The following ZMYND11 variants were observed in gnomAD, a reference collection of about 807,000 sequenced individuals.
ZMYND11 encodes the protein zinc finger MYND domain-containing protein 11.
Under a neutral mutation model 84.9 loss-of-function variants are expected in ZMYND11, and 9 were observed. The ratio of observed to expected loss-of-function variants is 0.11; its 90% CI spans 0.06 to 0.18. The LOEUF is 0.18. Among genes scored for constraint, ZMYND11 ranks in the 10% least tolerant of loss-of-function variants. The pLI is 1.00. For synonymous variants in ZMYND11, 250 were observed against 244.1 expected (o/e 1.02, Z -0.23); for missense variants, 409 against 761.0 (o/e 0.54, Z 5.44).
rs535791440 is a variant in ZMYND11, at chr10:190,372, C to T, written c.116+10244C>T. 2.0e-5 allele frequency among the ~76,000 whole-genome samples: 3 copies of T among 152,260 alleles called. No individual in the cohort carries two copies. In the South Asian group the frequency reaches 6.2e-4, roughly 32 times the overall value. ...CATGCATAGGTGTTGCTGTCTCGCC[C>T]TGCCTCTTCTGCACACCCTCCTGCA... On this transcript the variant is annotated intron_variant, in intron 2 of 14. Transcript: ENST00000381604.
At chr10:198,743 A>G (rs1407752397) in intron 2 of ZMYND11, among the ~76,000 whole-genome samples, 1 of 152,222 alleles carries the variant, frequency 6.6e-6, no homozygotes, top group Non-Finnish European at 1.5e-5. Context: ...ACAAATAGGT[A>G]CTTGCATATT....
intron 1 of ZMYND11, among the ~76,000 whole-genome samples, chr10:157,854 ATCCAATAGCAGCCATT>A (rs1463773644): frequency 2.6e-5 from 4 of 152,110 alleles, no homozygotes; most frequent in Non-Finnish European, 5.9e-5. Flanking sequence ...GAAACCCCAG[ATCCAATAGCAGCCATT>A]TCCCTTTTCT....
At chr10:130,905 C>T (rs1835298143), upstream of ZMYND11, among the ~76,000 whole-genome samples, 1 of 152,090 alleles carries the variant, frequency 6.6e-6, no homozygotes, top group South Asian at 2.1e-4. Flanking sequence ...ATCACTTGAG[C>T]TCAGGAGTTC....
intron 4 of ZMYND11, among the ~76,000 whole-genome samples, chr10:222,706 CA>C (rs148206520): frequency 1.0e-3 from 140 of 139,508 alleles, no homozygotes; most frequent in Non-Finnish European, 1.2e-3. Context: ...TTAATGAGAT[CA>C]AAAAAAAAAA....
intron 1 of ZMYND11, among the ~76,000 whole-genome samples, chr10:172,660 G>A (rs1588639619): frequency 6.6e-6 from 1 of 152,112 alleles, no homozygotes; most frequent in Non-Finnish European, 1.5e-5. Context: ...TTGTCAAGAT[G>A]TCCATTCTTC....
chr10:156,553 T>A (rs1554759141), intron 1 of ZMYND11, among the ~76,000 whole-genome samples: 1 of 152,230 alleles, frequency 6.6e-6, no homozygotes, highest in African/African-American at 2.4e-5. Flanking sequence ...GATTAATTTC[T>A]TAGCATAAAT....
At chr10:131,288 A>G (rs908550005), upstream of ZMYND11, among the ~76,000 whole-genome samples, 2 of 152,172 alleles carry the variant, frequency 1.3e-5, no homozygotes, top group African/African-American at 4.8e-5. Flanking sequence ...TAACCTGAGT[A>G]TGGGAGGACC....
chr10:191,123 A>AT (rs1264645832), intron 2 of ZMYND11, among the ~76,000 whole-genome samples: 7 of 152,110 alleles, frequency 4.6e-5, no homozygotes, highest in Non-Finnish European at 1.0e-4. Context: ...AATAGTCATT[A>AT]TTTTGTGAAA....
chr10:226,556 T>TAAA (rs1487103579), intron 4 of ZMYND11, among the ~76,000 whole-genome samples: 2 of 152,204 alleles, frequency 1.3e-5, no homozygotes. Context: ...TAAATTCAGA[T>TAAA]AAATGCAGTT....
At chr10:184,237 A>G (rs944297091) in intron 2 of ZMYND11, among the ~76,000 whole-genome samples, 3 of 152,196 alleles carry the variant, frequency 2.0e-5, no homozygotes, top group Non-Finnish European at 2.9e-5. Context: ...ATACACAGCT[A>G]TTAGAATAAG....
At chr10:139,081 T>C (rs562788471) in intron 1 of ZMYND11, among the ~76,000 whole-genome samples, 1 of 152,186 alleles carries the variant, frequency 6.6e-6, no homozygotes, top group South Asian at 2.1e-4. Flanking sequence ...GCTGGGACTA[T>C]AGGCATGAGC....
chr10:177,849 C>A (rs7478542), intron 1 of ZMYND11, among the ~76,000 whole-genome samples: 141,174 of 152,148 alleles, frequency 0.93, 65,852 homozygotes, highest in Non-Finnish European at 0.98. Flanking sequence ...AATTAATATA[C>A]TACTACTTGC....
chr10:167,945 AAAACTT>A (rs1844393161), intron 1 of ZMYND11, among the ~76,000 whole-genome samples: 1 of 152,120 alleles, frequency 6.6e-6, no homozygotes, highest in Admixed American at 6.6e-5. Flanking sequence ...TTTATTTTGT[AAAACTT>A]AAACTCTATA....
At position 239,818 on chromosome 10, in the gene ZMYND11, C is replaced by G. The variant is rs1340004070; in HGVS notation, c.698-238C>G. 7.3e-6 allele frequency: 4 copies of G among 547,320 alleles called. No homozygotes were observed. In the African/African-American group the frequency reaches 7.6e-5, roughly 10 times the overall value. 33.9% of individuals were successfully genotyped at this position (547,320 alleles called of 1,614,324 possible). A position where few individuals can be genotyped will look rare whatever the true frequency, so the allele number is the denominator to read the frequency against. On this transcript the variant is annotated intron_variant, in intron 7 of 14. Coordinates refer to ENST00000381604, the MANE Select transcript of ZMYND11 (RefSeq NM_001370100.5). The stretch of plus-strand genomic sequence containing the variant: ...CTATGATTAATTCTGATCATTTCCC[C>G]ACTAGTACCACATCATCCAAAGGTA...
At chr10:175,994 A>T (rs1846532357) in intron 1 of ZMYND11, among the ~76,000 whole-genome samples, 1 of 152,232 alleles carries the variant, frequency 6.6e-6, no homozygotes, top group Non-Finnish European at 1.5e-5. Flanking sequence ...TGTTCTTGTT[A>T]ACTATTGTGT....
At chr10:134,989 T>A (rs1489480914), upstream of ZMYND11, 4 of 148,674 alleles carry the variant, frequency 2.7e-5, no homozygotes, top group African/African-American at 9.8e-5. Flanking sequence ...GAGCCCCCAG[T>A]GCGCGGCCCG....
chr10:164,243 C>T (rs1460887926), intron 1 of ZMYND11, among the ~76,000 whole-genome samples: 1 of 152,116 alleles, frequency 6.6e-6, no homozygotes, highest in Admixed American at 6.6e-5. Flanking sequence ...TTCAAACATA[C>T]CGAGTTCTTT....
chr10:239,948 T>C (rs1950595052), intron 7 of ZMYND11, 108 bp from the exon 8 acceptor site: 1 of 895,324 alleles, frequency 1.1e-6, no homozygotes, highest in Admixed American at 2.7e-5. Context: ...GACATTTTGG[T>C]TTGAAATGGT....
chr10:203,870 G>A (rs1401285086), intron 2 of ZMYND11, among the ~76,000 whole-genome samples: 2 of 151,964 alleles, frequency 1.3e-5, no homozygotes, highest in Non-Finnish European at 2.9e-5. Context: ...AAATAGTAGT[G>A]TCTTATACCA....
Sources: gnomAD v4.1 joint callset for allele counts (sites outside exome capture counted in the v4.1 genomes callset) on GRCh38, gnomAD v4.1.1 for gene constraint, MANE v1.5 for transcripts, NCBI Gene and HGNC (gene_info 2026-07-23, HGNC 2026-07-21) for gene names.